ADAM32: variants seen among roughly 807,000 people sequenced by gnomAD.
ADAM32 encodes the protein ADAM metallopeptidase domain 32.
Under a neutral mutation model 114.9 loss-of-function variants are expected in ADAM32, and 89 were observed. The observed-to-expected ratio is 0.77, with a 90% confidence interval of 0.65 to 0.92. ADAM32 has a LOEUF of 0.92. Ranked by LOEUF, ADAM32 falls within the 40% of genes least tolerant of loss-of-function variation. The pLI, the probability that ADAM32 is intolerant of heterozygous loss-of-function variation, is 0.00. For missense variants in ADAM32, 870 were observed against 932.8 expected (o/e 0.93, Z 0.88); for synonymous variants, 285 against 307.5 (o/e 0.93, Z 0.77).
At chr8:39,212,507 T>G (rs1299772679) in intron 12 of ADAM32, among the ~76,000 whole-genome samples, 2 of 152,218 alleles carry the variant, frequency 1.3e-5, no homozygotes, top group African/African-American at 4.8e-5. Context: ...TGTCTCCAGA[T>G]AATTTCTGAT....
chr8:39,135,913 G>T (rs1802774237), intron 2 of ADAM32, among the ~76,000 whole-genome samples: 1 of 152,102 alleles, frequency 6.6e-6, no homozygotes, highest in Admixed American at 6.6e-5. Context: ...TTCTGACCTG[G>T]AAACAAACTG....
intron 6 of ADAM32, among the ~76,000 whole-genome samples, chr8:39,152,900 G>A (rs1220143986): frequency 6.6e-6 from 1 of 152,148 alleles, no homozygotes; most frequent in African/African-American, 2.4e-5. Flanking sequence ...TGTTACTTCT[G>A]GCTTGAATAT....
At chr8:39,174,087 A>G (rs1805362876) in intron 10 of ADAM32, among the ~76,000 whole-genome samples, 1 of 152,206 alleles carries the variant, frequency 6.6e-6, no homozygotes, top group Non-Finnish European at 1.5e-5. Flanking sequence ...GGCCTCCCAA[A>G]GTGTTGGGGT....
At chr8:39,258,605 T>C (rs961305909) in intron 19 of ADAM32, among the ~76,000 whole-genome samples, 5 of 152,186 alleles carry the variant, frequency 3.3e-5, no homozygotes, top group African/African-American at 9.6e-5. Flanking sequence ...TGTGGTTCTC[T>C]TAAATGTTGG....
At chr8:39,208,172 T>G (rs900355481) in intron 11 of ADAM32, among the ~76,000 whole-genome samples, 3 of 152,202 alleles carry the variant, frequency 2.0e-5, no homozygotes, top group Non-Finnish European at 4.4e-5. Flanking sequence ...GTTGTGTAAT[T>G]TACATTTTCA....
At position 39,197,251 on chromosome 8, in the gene ADAM32, G is replaced by A. The variant is rs1200213047; in HGVS notation, c.1052+10206G>A. On this transcript the variant is annotated intron_variant, in intron 11 of 24. Coordinates refer to ENST00000379907, the MANE Select transcript of ADAM32 (RefSeq NM_145004.7). ...TTTTTCTTGTTTAGTCTAGATATCTGTGTATCAATTTTGTTTACGTTTTCC... is the reference window on the plus strand; with the variant it reads ...TTTTTCTTGTTTAGTCTAGATATCTATGTATCAATTTTGTTTACGTTTTCC... Among the ~76,000 whole-genome samples the A allele has an allele frequency of 2.0e-5, 3 of 151,862 alleles. No homozygotes were observed. The East Asian group carries it at 5.8e-4, about 29-fold the overall frequency.
chr8:39,218,477 C>A (rs975804936), intron 12 of ADAM32, among the ~76,000 whole-genome samples: 1 of 152,162 alleles, frequency 6.6e-6, no homozygotes, highest in Non-Finnish European at 1.5e-5. Context: ...AGCCCCTGGG[C>A]AGGTGCAGAG....
In ADAM32 at chr8:39,107,764, C is replaced by A. The variant is rs888665136; in HGVS notation, c.-12C>A. On this transcript the variant is annotated 5_prime_UTR_variant, in exon 1 of 25. Coordinates refer to ENST00000379907, the MANE Select transcript of ADAM32 (RefSeq NM_145004.7). ...CCCAACGGCTTCCCGCTGGCAGCCC[C>A]GAAGCCGCACCATGTTCCGCCTCTG... 13 of 1,550,332 alleles carry A rather than the reference C, an allele frequency of 8.4e-6. No individual in the cohort carries two copies. The highest frequency in any genetic ancestry group is 4.1e-5 in the African/African-American group (3 of 73,006).
intron 3 of ADAM32, among the ~76,000 whole-genome samples, chr8:39,137,116 G>A (rs969102797): frequency 9.9e-5 from 15 of 152,216 alleles, no homozygotes; most frequent in African/African-American, 3.1e-4. Flanking sequence ...TAGTGTTGCA[G>A]AGCTGGCGAA....
chr8:39,202,930 AG>A (rs1807531718), intron 11 of ADAM32, among the ~76,000 whole-genome samples: 1 of 73,702 alleles, frequency 1.4e-5, no homozygotes, highest in South Asian at 5.0e-4. Context: ...GTTTCCATGT[AG>A]TTGGGTGGTT....
chr8:39,277,713 G>A (rs919969177), intron 22 of ADAM32, among the ~76,000 whole-genome samples: 1 of 152,260 alleles, frequency 6.6e-6, no homozygotes, highest in Non-Finnish European at 1.5e-5. Context: ...GAGGGAGCAT[G>A]CAGGTGAGCA....
intron 17 of ADAM32, 63 bp from the exon 18 acceptor site, chr8:39,254,351 G>C: frequency 7.6e-7 from 1 of 1,324,208 alleles, no homozygotes; most frequent in Non-Finnish European, 1.0e-6. Flanking sequence ...AAGTAAGCTT[G>C]ATGCTCACCT....
chr8:39,239,344 A>G (rs1418437686), intron 16 of ADAM32, among the ~76,000 whole-genome samples: 4 of 152,322 alleles, frequency 2.6e-5, no homozygotes, highest in Non-Finnish European at 5.9e-5. Flanking sequence ...AGGGAAAGAT[A>G]AAGTCTTTTT....
intron 10 of ADAM32, among the ~76,000 whole-genome samples, chr8:39,175,016 T>C (rs766392751): frequency 6.6e-6 from 1 of 152,168 alleles, no homozygotes; most frequent in Non-Finnish European, 1.5e-5. Flanking sequence ...GTGCTAGTTA[T>C]TTTTGCATAT....
chr8:39,151,651 A>G, intron 6 of ADAM32, 103 bp downstream of exon 6: 5 of 797,632 alleles, frequency 6.3e-6, no homozygotes, highest in Non-Finnish European at 8.9e-6. Context: ...TGTAGCAAAT[A>G]TCCTTTCCTT....
At chr8:39,185,905 G>C (rs1806207353) in intron 10 of ADAM32, among the ~76,000 whole-genome samples, 1 of 151,858 alleles carries the variant, frequency 6.6e-6, no homozygotes, top group Non-Finnish European at 1.5e-5. Context: ...AAATGCAGGG[G>C]CTCTCTCATT....
chr8:39,142,131 C>T (rs968451983), intron 3 of ADAM32, among the ~76,000 whole-genome samples: 7 of 151,858 alleles, frequency 4.6e-5, no homozygotes, highest in Admixed American at 1.3e-4. Context: ...TACAGCACAC[C>T]GATGGGTCTT....
At chr8:39,126,098 C>T (rs1359735448) in intron 2 of ADAM32, among the ~76,000 whole-genome samples, 1 of 152,108 alleles carries the variant, frequency 6.6e-6, no homozygotes. Context: ...TAGCATGATG[C>T]CTTCAGCTTC....
intron 3 of ADAM32, among the ~76,000 whole-genome samples, chr8:39,140,928 G>C (rs547712590): frequency 3.1e-4 from 47 of 152,192 alleles, no homozygotes; most frequent in African/African-American, 1.1e-3. Context: ...AGATTTTCTA[G>C]TTTATTTGCA....
Sources: gnomAD v4.1 joint callset for allele counts (sites outside exome capture counted in the v4.1 genomes callset) on GRCh38, gnomAD v4.1.1 for gene constraint, MANE v1.5 for transcripts, NCBI Gene and HGNC (gene_info 2026-07-23, HGNC 2026-07-21) for gene names.